Variants in NEK5 observed in about 807,000 individuals in gnomAD.
The protein encoded by NEK5 is NIMA related kinase 5, also known as serine/threonine-protein kinase Nek5.
Under a neutral mutation model 109.2 loss-of-function variants are expected in NEK5, and 88 were observed. The observed-to-expected ratio is 0.81, with a 90% CI of 0.68 to 0.96. The LOEUF (loss-of-function observed/expected upper bound fraction) is 0.96, where lower values mean the gene tolerates loss of function less well. Among genes scored for constraint, NEK5 ranks in the 40% least tolerant of loss-of-function variants. The pLI is 0.00. For missense variants in NEK5, 834 were observed against 920.7 expected, an observed-to-expected ratio of 0.91 and a Z score of 1.22; for synonymous variants, 283 against 299.9, an observed-to-expected ratio of 0.94 and a Z score of 0.58.
intron 21 of NEK5, among the ~76,000 whole-genome samples, chr13:52,063,634 C>T (rs1254303190): frequency 6.9e-6 from 1 of 144,414 alleles, no homozygotes; most frequent in African/African-American, 2.5e-5. Context: ...TGAGGAGCAT[C>T]TCTGCCCGGC....
At chr13:52,099,713 A>G (rs1236788624) in intron 12 of NEK5, 30 bp downstream of exon 12, 1 of 1,604,970 alleles carries the variant, frequency 6.2e-7, no homozygotes, top group Non-Finnish European at 8.5e-7. Flanking sequence ...CATAGCTAAA[A>G]AACACAAAGG....
At chr13:52,113,326 T>C (rs1374068026) in intron 4 of NEK5, among the ~76,000 whole-genome samples, 1 of 152,172 alleles carries the variant, frequency 6.6e-6, no homozygotes, top group Non-Finnish European at 1.5e-5. Context: ...CTACCAACTA[T>C]AATTCTGAAT....
chr13:52,074,309 G>A (rs953377719), intron 19 of NEK5, among the ~76,000 whole-genome samples: 1 of 152,022 alleles, frequency 6.6e-6, no homozygotes, highest in Non-Finnish European at 1.5e-5. Context: ...ACAGAATAGA[G>A]AACCCAGAAA....
rs1954346198 is a variant in NEK5 at position 52,034,889 on chromosome 13, T to TC, written c.*2058_*2059insG. The TC allele has an allele frequency of 6.7e-6, 1 of 148,232 alleles. No homozygotes were observed. 9.2% of individuals were successfully genotyped at this position (148,232 alleles called of 1,614,324 possible). A position where few individuals can be genotyped will look rare whatever the true frequency, so the allele number is the denominator to read the frequency against. Reference sequence around the variant, plus strand: ...TAAACATTCTTTTTTTTCTTTTTTTTTTTTTTTTTTGCCCTTAATTGACTT... The same window carrying TC: ...TAAACATTCTTTTTTTTCTTTTTTTTCTTTTTTTTTTGCCCTTAATTGACTT... On this transcript the variant is annotated 3_prime_UTR_variant, in exon 24 of 24. Coordinates refer to ENST00000684899, the MANE Select transcript of NEK5 (RefSeq NM_001365552.1).
chr13:52,073,593 C>A (rs1214747032), intron 19 of NEK5, among the ~76,000 whole-genome samples: 1 of 152,136 alleles, frequency 6.6e-6, no homozygotes, highest in Non-Finnish European at 1.5e-5. Context: ...GGGATTACAG[C>A]TGTGAGCCAC....
chr13:52,100,898 C>T (rs1242766704), intron 11 of NEK5, among the ~76,000 whole-genome samples: 1 of 152,158 alleles, frequency 6.6e-6, no homozygotes, highest in Non-Finnish European at 1.5e-5. Flanking sequence ...ATTTTAGAAT[C>T]TCTGTCTCAA....
At chr13:52,081,122 C>T (rs1308698707) in intron 17 of NEK5, among the ~76,000 whole-genome samples, 1 of 152,024 alleles carries the variant, frequency 6.6e-6, no homozygotes, top group Admixed American at 6.6e-5. Context: ...AAATGGCAGT[C>T]GCCATTGATT....
At chr13:52,066,521 C>G (rs547235708) in intron 20 of NEK5, among the ~76,000 whole-genome samples, 2 of 151,916 alleles carry the variant, frequency 1.3e-5, no homozygotes, top group South Asian at 4.2e-4. Flanking sequence ...AAAAAATTAA[C>G]TCGGCCGGGT....
intron 12 of NEK5, among the ~76,000 whole-genome samples, chr13:52,094,483 T>C (rs962994652): frequency 1.3e-5 from 2 of 152,248 alleles, no homozygotes; most frequent in Admixed American, 1.3e-4. Flanking sequence ...GATTGGACCA[T>C]ATGAAATTGC....
At chr13:52,088,889 G>GAGA (rs1955212784) in intron 14 of NEK5, among the ~76,000 whole-genome samples, 1 of 151,760 alleles carries the variant, frequency 6.6e-6, no homozygotes, top group Admixed American at 6.6e-5. Flanking sequence ...TCAGGAGTTC[G>GAGA]AGACCAGCCT....
Position 52,102,073 on chromosome 13 carries a change from C to G in NEK5, c.810+19G>C. The G allele has an allele frequency of 6.2e-7, 1 of 1,612,666 alleles. No homozygotes were observed. Among genetic ancestry groups the G allele is most frequent in the South Asian group, 1.1e-5 (1 of 91,060 alleles). ...CCCAAAATCTCTGCCAAAATCCAAA[C>G]AGTCACCTCAAAACTTACCTCAGGA... is the stretch of plus-strand genomic sequence containing the variant. On this transcript the variant is annotated intron_variant, in intron 10 of 23. Transcript: ENST00000684899.
chr13:52,089,323 T>A lies in NEK5; in HGVS notation c.1209-10A>T. On this transcript the variant is annotated splice_polypyrimidine_tract_variant and intron_variant, in intron 13 of 23. Transcript: ENST00000684899. ...AAGGTACTCAGCAGGCCTTAGAAAA[T>A]AAGAATGTTCAGCTTAAGTAGAAAC... 6.3e-7 allele frequency: 1 copy of A among 1,583,260 alleles called. No individual in the cohort carries two copies. The highest frequency in any genetic ancestry group is 8.7e-7 in the Non-Finnish European group (1 of 1,154,780).
At chr13:52,105,846 T>C (rs1955641725) in intron 8 of NEK5, among the ~76,000 whole-genome samples, 1 of 152,186 alleles carries the variant, frequency 6.6e-6, no homozygotes, top group Non-Finnish European at 1.5e-5. Context: ...ACTATGCATA[T>C]TTTAAAGTCT....
At chr13:52,070,763 T>A (rs1376506123) in intron 20 of NEK5, among the ~76,000 whole-genome samples, 5 of 152,162 alleles carry the variant, frequency 3.3e-5, no homozygotes, top group Admixed American at 3.3e-4. Context: ...GGGGAAATAC[T>A]AGAGAAAGAA....
In NEK5 at chr13:52,083,295, G is replaced by A; in HGVS notation, c.1537C>T (p.His513Tyr). 6.2e-7 allele frequency: 1 copy of A among 1,613,206 alleles called. No homozygotes were observed. The highest frequency in any genetic ancestry group is 8.5e-7 in the Non-Finnish European group (1 of 1,179,230). ...YLVKKSNLPV[H>Y]QDASEGEAPV... is the part of the protein sequence containing the mutation. ...GCTTCTCCCTCAGATGCATCTTGAT[G>A]GACAGGCAGGTTACTCTTCTTCACC... The change falls in exon 17 of 24, where the codon CAT becomes TAT. Residue 513 changes from histidine (H) to tyrosine (Y), a missense_variant. Physicochemically the swap from His to Tyr is moderately conservative, Grantham distance 83. This residue lies in a region of NEK5 where 777 missense variants were observed against 824.7 expected (regional missense o/e 0.94). Transcript: ENST00000684899.
At chr13:52,060,175 T>C (rs984961640) in intron 22 of NEK5, among the ~76,000 whole-genome samples, 3 of 152,098 alleles carry the variant, frequency 2.0e-5, no homozygotes, top group Non-Finnish European at 4.4e-5. Flanking sequence ...AACTTTTGGC[T>C]TCATACTTCA....
At chr13:52,065,332 T>C (rs1035735384) in intron 21 of NEK5, 152 bp downstream of exon 21, 4 of 1,040,120 alleles carry the variant, frequency 3.8e-6, no homozygotes, top group Non-Finnish European at 6.1e-6. Context: ...TCTTTAGGCA[T>C]AGGGAGATAT....
At chr13:52,106,652 A>G (rs560615203) in intron 8 of NEK5, among the ~76,000 whole-genome samples, 4 of 152,122 alleles carry the variant, frequency 2.6e-5, no homozygotes, top group Non-Finnish European at 5.9e-5. Context: ...TTGCAGTCCC[A>G]GGTACTTGGG....
intron 13 of NEK5, among the ~76,000 whole-genome samples, chr13:52,090,769 T>TA (rs1955263077): frequency 1.3e-5 from 2 of 152,280 alleles, no homozygotes; most frequent in East Asian, 3.9e-4. Flanking sequence ...CTCATGCCTG[T>TA]AATGCCAGCA....
Sources: allele counts gnomAD v4.1 joint callset (sites outside exome capture counted in the v4.1 genomes callset), GRCh38; gene constraint gnomAD v4.1.1; regional missense constraint gnomAD v4.1.1; transcripts MANE v1.5; gene names NCBI Gene and HGNC (gene_info 2026-07-23, HGNC 2026-07-21).